Variants in ELOVL2 observed in about 807,000 individuals in gnomAD.
ELOVL2 encodes very long chain fatty acid elongase 2.
A neutral mutation model predicts 37.7 loss-of-function variants in ELOVL2; 38 were observed. The observed-to-expected ratio is 1.01, with a 90% CI of 0.78 to 1.32. ELOVL2 has a LOEUF of 1.32. ELOVL2 is among the 40% of genes most tolerant of loss of function. ELOVL2 has a pLI of 0.00. For synonymous variants in ELOVL2, 115 were observed against 122.3 expected (o/e 0.94, Z 0.40); for missense variants, 352 against 363.6 (o/e 0.97, Z 0.26).
At chr6:10,992,101 GTCCT>G (rs1782170364) in intron 5 of ELOVL2, among the ~76,000 whole-genome samples, 1 of 152,218 alleles carries the variant, frequency 6.6e-6, no homozygotes, top group East Asian at 1.9e-4. Flanking sequence ...GATTATAGTT[GTCCT>G]TCCTTAATAA....
intron 1 of ELOVL2, among the ~76,000 whole-genome samples, chr6:11,042,391 T>C (rs1348635046): frequency 7.0e-6 from 1 of 142,838 alleles, no homozygotes; most frequent in East Asian, 3.2e-4. Context: ...CCACAGTTTC[T>C]GAGAAATACT....
At chr6:11,040,510 T>G (rs889902299) in intron 1 of ELOVL2, among the ~76,000 whole-genome samples, 1 of 152,228 alleles carries the variant, frequency 6.6e-6, no homozygotes, top group African/African-American at 2.4e-5. Context: ...TTGCATGGAT[T>G]GGGTTAAATA....
At chr6:11,030,772 G>A (rs1782918713) in intron 1 of ELOVL2, among the ~76,000 whole-genome samples, 1 of 152,112 alleles carries the variant, frequency 6.6e-6, no homozygotes, top group Non-Finnish European at 1.5e-5. Flanking sequence ...GATTACATGC[G>A]TGAGCCACCG....
At chr6:11,041,487 G>A (rs3798723) in intron 1 of ELOVL2, among the ~76,000 whole-genome samples, 45,134 of 151,998 alleles carry the variant, frequency 0.3, 7,412 homozygotes, top group African/African-American at 0.43. Flanking sequence ...TCGAAGAATC[G>A]AAAGAGAAAA....
chr6:10,981,758 T>A lies in ELOVL2; in HGVS notation c.*2023A>T, dbSNP rs1197425243. 6.6e-6 allele frequency: 1 copy of A among 152,220 alleles called. No homozygotes were observed. Among genetic ancestry groups the A allele is most frequent in the Non-Finnish European group, 1.5e-5 (1 of 68,052 alleles). 9.4% of individuals were successfully genotyped at this position (152,220 alleles called of 1,614,324 possible). On this transcript the variant is annotated 3_prime_UTR_variant, in exon 8 of 8. Coordinates refer to ENST00000354666, the MANE Select transcript of ELOVL2 (RefSeq NM_017770.4). ...GCACGTAAGAATAAGCTGAATGTGA[T>A]GACCAGTGAGCATATTAGACCAGTC...
chr6:10,993,614 G>C (rs189449123), intron 5 of ELOVL2, among the ~76,000 whole-genome samples: 306 of 152,252 alleles, frequency 2.0e-3, no homozygotes, highest in African/African-American at 7.1e-3. Flanking sequence ...CTAGACATGG[G>C]TCATGGGGCC....
At chr6:10,993,337 T>C (rs762453524) in intron 5 of ELOVL2, among the ~76,000 whole-genome samples, 1 of 152,236 alleles carries the variant, frequency 6.6e-6, no homozygotes. Flanking sequence ...GAGCTCTCTT[T>C]TCCTACAAGG....
At chr6:10,996,108 G>A (rs559562301) in intron 4 of ELOVL2, among the ~76,000 whole-genome samples, 6 of 146,388 alleles carry the variant, frequency 4.1e-5, no homozygotes, top group African/African-American at 1.4e-4. Flanking sequence ...AAGGCACTGT[G>A]TTTTTACCAC....
At chr6:10,998,761 C>T (rs528565489) in intron 4 of ELOVL2, among the ~76,000 whole-genome samples, 22 of 152,298 alleles carry the variant, frequency 1.4e-4, no homozygotes, top group Admixed American at 9.2e-4. Context: ...CTAATCTTTT[C>T]TGGAGAAAAT....
At chr6:11,023,894 G>A (rs1034312640) in intron 1 of ELOVL2, among the ~76,000 whole-genome samples, 2 of 152,150 alleles carry the variant, frequency 1.3e-5, no homozygotes, top group Admixed American at 1.3e-4. Flanking sequence ...AAAAAAATTG[G>A]TGAAACACTA....
chr6:11,024,270 C>T (rs145420965), intron 1 of ELOVL2, among the ~76,000 whole-genome samples: 1,800 of 152,260 alleles, frequency 0.012, 21 homozygotes, highest in Non-Finnish European at 0.019. Context: ...TTAAAATTGG[C>T]ATTGTGTCAC....
chr6:11,021,999 T>C (rs932743093), intron 1 of ELOVL2, among the ~76,000 whole-genome samples: 2 of 152,104 alleles, frequency 1.3e-5, no homozygotes, highest in African/African-American at 4.8e-5. Flanking sequence ...AGTAAAGTAA[T>C]GTTAAGTGTA....
At chr6:11,043,091 G>A (rs1783128185) in intron 1 of ELOVL2, among the ~76,000 whole-genome samples, 1 of 152,126 alleles carries the variant, frequency 6.6e-6, no homozygotes, top group African/African-American at 2.4e-5. Context: ...AGGAAAGGTT[G>A]GAATTTTAAG....
intron 5 of ELOVL2, 23 bp downstream of exon 5, chr6:10,994,984 G>T: frequency 6.4e-7 from 1 of 1,561,408 alleles, no homozygotes; most frequent in South Asian, 1.2e-5. Context: ...CCTCAAAACG[G>T]AAAAATTAAC....
At chr6:10,990,641 A>G (rs1452763381) in intron 5 of ELOVL2, among the ~76,000 whole-genome samples, 199 bp from the exon 6 acceptor site, 1 of 149,110 alleles carries the variant, frequency 6.7e-6, no homozygotes, top group Non-Finnish European at 1.5e-5. Flanking sequence ...TGATAGAAGG[A>G]GTAGCCTGGG....
rs7755145 is a variant in ELOVL2 at position 10,994,947 on chromosome 6, C to T, written c.505+60G>A. The stretch of plus-strand genomic sequence containing the variant: ...TCTGCATGCGATGCTTAATACAAGA[C>T]AGCACCAGTGGTCTCTAAGAGCCAT... On this transcript the variant is annotated intron_variant, in intron 5 of 7. Transcript: ENST00000354666. 15,309 of 1,343,288 alleles carry T rather than the reference C, an allele frequency of 0.011. 1,310 individuals are homozygous for T. The African/African-American group carries it at 0.19, about 17-fold the overall frequency. The allele number at this position is 1,343,288 out of a possible 1,614,324, so 83.2% of individuals were successfully genotyped here. A position where few individuals can be genotyped will look rare whatever the true frequency, so the allele number is the denominator to read the frequency against.
At chr6:11,019,719 C>T (rs1030617551) in intron 1 of ELOVL2, among the ~76,000 whole-genome samples, 12 of 150,144 alleles carry the variant, frequency 8.0e-5, no homozygotes, top group African/African-American at 2.7e-4. Flanking sequence ...ATGTCTCTAT[C>T]GTTTTAGTTT....
chr6:11,038,508 AAAAAT>A (rs1328536140), intron 1 of ELOVL2, among the ~76,000 whole-genome samples: 1 of 152,136 alleles, frequency 6.6e-6, no homozygotes, highest in East Asian at 1.9e-4. Context: ...AAATAAAAAT[AAAAAT>A]AAAATTACTC....
At chr6:10,986,811 T>A (rs1315520856) in intron 7 of ELOVL2, among the ~76,000 whole-genome samples, 1 of 152,190 alleles carries the variant, frequency 6.6e-6, no homozygotes, top group Non-Finnish European at 1.5e-5. Context: ...TAAAATTCTC[T>A]TTTTTGGTTG....
Sources: gnomAD v4.1 joint callset for allele counts (sites outside exome capture counted in the v4.1 genomes callset) on GRCh38, gnomAD v4.1.1 for gene constraint, MANE v1.5 for transcripts, NCBI Gene and HGNC (gene_info 2026-07-23, HGNC 2026-07-21) for gene names.